MAF: variants seen among roughly 807,000 people sequenced by gnomAD.
The protein encoded by MAF is transcription factor Maf.
MAF carries 10 observed loss-of-function variants against 22.0 expected under a neutral mutation model. That is an observed-to-expected ratio of 0.45 (90% CI 0.28 to 0.77). The LOEUF (loss-of-function observed/expected upper bound fraction) is 0.77, where lower values mean the gene tolerates loss of function less well. Among genes scored for constraint, MAF ranks in the 30% least tolerant of loss-of-function variants. The probability of loss-of-function intolerance (pLI) is 0.12; values close to 1 mark genes in which losing one functional copy is unlikely to be tolerated. For missense variants in MAF, 544 were observed against 548.4 expected, an observed-to-expected ratio of 0.99 and a Z score of 0.08; for synonymous variants, 337 against 255.8, an observed-to-expected ratio of 1.32 and a Z score of -3.03.
chr16:79,397,515 G>A, the MAF span, among the ~76,000 whole-genome samples: 1 of 152,110 alleles, frequency 6.6e-6, no homozygotes, highest in Non-Finnish European at 1.5e-5. Flanking sequence ...AAACCCAGCT[G>A]CCTGACTCTA....
chr16:79,357,843 G>A, the MAF span, among the ~76,000 whole-genome samples: 1 of 152,202 alleles, frequency 6.6e-6, no homozygotes, highest in African/African-American at 2.4e-5. Context: ...CATGTTTCAT[G>A]TACAGAAGCA....
At chr16:79,413,471 G>T in the MAF span, among the ~76,000 whole-genome samples, 1 of 149,986 alleles carries the variant, frequency 6.7e-6, no homozygotes, top group South Asian at 2.2e-4. Context: ...CTGACCTCGT[G>T]ATCCACCCGC....
At chr16:79,547,901 T>A in the MAF span, among the ~76,000 whole-genome samples, 99,360 of 136,906 alleles carry the variant, frequency 0.73, 33,650 homozygotes, top group South Asian at 0.8. Flanking sequence ...TGTGTGTGTG[T>A]GAGAGAGAGA....
chr16:79,203,820 G>C, the MAF span: 2 of 152,158 alleles, frequency 1.3e-5, no homozygotes, highest in African/African-American at 4.8e-5. Flanking sequence ...GGTTTATTTT[G>C]GTGTAGATGG....
the MAF span, chr16:79,205,504 C>T: frequency 6.6e-6 from 1 of 152,214 alleles, no homozygotes; most frequent in Non-Finnish European, 1.5e-5. Flanking sequence ...TAAGAGTTGG[C>T]ATGGGATCTA....
At chr16:79,361,005 A>AC in the MAF span, among the ~76,000 whole-genome samples, 5 of 151,824 alleles carry the variant, frequency 3.3e-5, no homozygotes, top group Non-Finnish European at 7.4e-5. Context: ...AGACTCCTTC[A>AC]CCCCCCAGCA....
chr16:79,382,347 A>G, the MAF span, among the ~76,000 whole-genome samples: 3 of 152,306 alleles, frequency 2.0e-5, no homozygotes, highest in South Asian at 2.1e-4. Flanking sequence ...ATGCATATGC[A>G]TAGGTTTTAT....
chr16:79,308,202 C>G, the MAF span, among the ~76,000 whole-genome samples: 1 of 152,230 alleles, frequency 6.6e-6, no homozygotes, highest in East Asian at 1.9e-4. Context: ...TGACCCAACA[C>G]GGGTCCACAT....
chr16:79,323,308 T>G, the MAF span, among the ~76,000 whole-genome samples: 2 of 151,364 alleles, frequency 1.3e-5, no homozygotes, highest in Non-Finnish European at 2.9e-5. Flanking sequence ...ATGTCACGAA[T>G]GGTGTCCCAG....
chr16:79,354,584 C>T, the MAF span, among the ~76,000 whole-genome samples: 2 of 152,150 alleles, frequency 1.3e-5, no homozygotes, highest in Non-Finnish European at 2.9e-5. Flanking sequence ...GCCAGATAGC[C>T]AGGAATTGCA....
chr16:79,211,730 G>C, the MAF span: 1 of 1,614,198 alleles, frequency 6.2e-7, no homozygotes, highest in Non-Finnish European at 8.5e-7. Flanking sequence ...GCGAAGAGAC[G>C]GCCCGGACCC....
downstream of MAF, among the ~76,000 whole-genome samples, chr16:79,590,944 G>A (rs1418259979): frequency 6.6e-6 from 1 of 152,112 alleles, no homozygotes; most frequent in African/African-American, 2.4e-5. Context: ...GCCTCAAGAA[G>A]TGGATGAGGT....
downstream of MAF, among the ~76,000 whole-genome samples, chr16:79,583,567 G>C (rs1912656656): frequency 6.6e-6 from 1 of 152,194 alleles, no homozygotes. Context: ...ATATCTGAAA[G>C]GGGCAGAGCT....
the MAF span, among the ~76,000 whole-genome samples, chr16:79,574,739 C>T: frequency 3.2e-4 from 48 of 152,280 alleles, no homozygotes; most frequent in African/African-American, 1.1e-3. Context: ...AACTCACTTT[C>T]CCTGGGCACC....
At chr16:79,549,217 G>C in the MAF span, among the ~76,000 whole-genome samples, 1 of 150,920 alleles carries the variant, frequency 6.6e-6, no homozygotes, top group East Asian at 1.9e-4. Context: ...CATTTCCTGA[G>C]CAGTCATGGC....
chr16:79,543,478 C>G, the MAF span, among the ~76,000 whole-genome samples: 1 of 152,190 alleles, frequency 6.6e-6, no homozygotes, highest in Non-Finnish European at 1.5e-5. Flanking sequence ...CAACAAATGT[C>G]TGGATGTTCT....
At chr16:79,531,769 C>T in the MAF span, among the ~76,000 whole-genome samples, 1 of 152,180 alleles carries the variant, frequency 6.6e-6, no homozygotes, top group African/African-American at 2.4e-5. Context: ...ACGCACTCAT[C>T]ACTCTTTCTG....
At chr16:79,525,664 A>G in the MAF span, among the ~76,000 whole-genome samples, 1 of 152,198 alleles carries the variant, frequency 6.6e-6, no homozygotes, top group African/African-American at 2.4e-5. Context: ...AATCCCCTTC[A>G]TTTAAACAAA....
chr16:79,391,922 G>C, the MAF span, among the ~76,000 whole-genome samples: 1 of 148,286 alleles, frequency 6.7e-6, no homozygotes, highest in Non-Finnish European at 1.5e-5. Flanking sequence ...AGGAGGAGGA[G>C]GAGAAGGAGG....
Sources: gnomAD v4.1 joint callset for allele counts (sites outside exome capture counted in the v4.1 genomes callset) on GRCh38, gnomAD v4.1.1 for gene constraint, MANE v1.5 for transcripts, NCBI Gene and HGNC (gene_info 2026-07-23, HGNC 2026-07-21) for gene names.